The following RPS6KC1 variants were observed in gnomAD, a reference collection of about 807,000 sequenced individuals.
RPS6KC1 encodes ribosomal protein S6 kinase C1.
In RPS6KC1, 54 loss-of-function variants were observed where a neutral mutation model predicts 103.8. That is an observed-to-expected ratio of 0.52 (90% confidence interval 0.42 to 0.65). The LOEUF (loss-of-function observed/expected upper bound fraction) is 0.65. RPS6KC1 is among the 30% of genes least tolerant of loss of function. RPS6KC1 has a pLI of 0.00. For missense variants in RPS6KC1, 1,151 were observed against 1,253.8 expected (o/e 0.92, Z 1.24); for synonymous variants, 439 against 438.7 (o/e 1.00, Z -0.01).
the RPS6KC1 span, among the ~76,000 whole-genome samples, chr1:213,620,865 A>G: frequency 2.0e-5 from 3 of 152,276 alleles, no homozygotes; most frequent in South Asian, 2.1e-4. Context: ...GGCCGTACTT[A>G]CTAAAGAATT....
At chr1:213,322,258 C>T in the RPS6KC1 span, among the ~76,000 whole-genome samples, 1 of 152,128 alleles carries the variant, frequency 6.6e-6, no homozygotes, top group African/African-American at 2.4e-5. Flanking sequence ...GTGATCTGCA[C>T]TCTAGCCTGG....
chr1:213,140,172 T>C (rs995832833), intron 6 of RPS6KC1, among the ~76,000 whole-genome samples: 4 of 152,136 alleles, frequency 2.6e-5, no homozygotes, highest in African/African-American at 9.6e-5. Flanking sequence ...GAAATGCTAC[T>C]AATTTTTGTG....
At chr1:213,252,922 A>G (rs187498764) in intron 12 of RPS6KC1, among the ~76,000 whole-genome samples, 196 of 152,278 alleles carry the variant, frequency 1.3e-3, no homozygotes, top group Non-Finnish European at 2.0e-3. Flanking sequence ...TATTACATAA[A>G]CACTTTATTT....
the RPS6KC1 span, among the ~76,000 whole-genome samples, chr1:213,568,551 C>G: frequency 1.2e-4 from 18 of 152,292 alleles, no homozygotes; most frequent in African/African-American, 4.3e-4. Context: ...AGAGTCAGAC[C>G]AACAGGTAAG....
chr1:213,514,807 T>G, the RPS6KC1 span, among the ~76,000 whole-genome samples: 1 of 152,230 alleles, frequency 6.6e-6, no homozygotes, highest in Non-Finnish European at 1.5e-5. Context: ...ATCGCCACAC[T>G]GACTTCCACA....
At chr1:213,216,120 A>G (rs2093652243) in intron 8 of RPS6KC1, among the ~76,000 whole-genome samples, 2 of 152,214 alleles carry the variant, frequency 1.3e-5, no homozygotes, top group African/African-American at 2.4e-5. Context: ...AGTGTGCTGT[A>G]TTCAGGAAAC....
At chr1:213,829,478 G>A in the RPS6KC1 span, among the ~76,000 whole-genome samples, 1 of 152,012 alleles carries the variant, frequency 6.6e-6, no homozygotes, top group South Asian at 2.1e-4. Flanking sequence ...CACTTTAAAG[G>A]GTCATATCAT....
the RPS6KC1 span, among the ~76,000 whole-genome samples, chr1:213,318,478 T>G: frequency 6.6e-6 from 1 of 152,238 alleles, no homozygotes; most frequent in Admixed American, 6.5e-5. Flanking sequence ...CTCCTTATTT[T>G]GGGGGATTAT....
the RPS6KC1 span, among the ~76,000 whole-genome samples, chr1:213,384,564 G>T: frequency 1.3e-5 from 2 of 152,100 alleles, no homozygotes; most frequent in Non-Finnish European, 2.9e-5. Context: ...AGCCACCACG[G>T]GAAGGTGTCG....
chr1:213,416,674 G>A, the RPS6KC1 span, among the ~76,000 whole-genome samples: 56 of 152,306 alleles, frequency 3.7e-4, 1 homozygote, highest in African/African-American at 7.2e-5. Flanking sequence ...TCGTGCCTCC[G>A]CTGGGACTGA....
the RPS6KC1 span, among the ~76,000 whole-genome samples, chr1:213,487,012 G>A: frequency 6.6e-6 from 1 of 152,146 alleles, no homozygotes; most frequent in Non-Finnish European, 1.5e-5. Context: ...CCTGAAATTT[G>A]CAGCACCTTG....
At chr1:213,195,821 GGTGTGTGT>G (rs60968477) in intron 8 of RPS6KC1, among the ~76,000 whole-genome samples, 1 of 149,630 alleles carries the variant, frequency 6.7e-6, no homozygotes, top group African/African-American at 2.5e-5. Context: ...AGTATTCCAT[GGTGTGTGT>G]GTGTGTGTGT....
chr1:213,115,768 G>A (rs538538951), intron 4 of RPS6KC1, among the ~76,000 whole-genome samples: 1 of 152,268 alleles, frequency 6.6e-6, no homozygotes, highest in Admixed American at 6.5e-5. Context: ...TGTTCTTGTT[G>A]GTTTCAAAGG....
chr1:213,623,803 CA>C, the RPS6KC1 span, among the ~76,000 whole-genome samples: 1 of 152,128 alleles, frequency 6.6e-6, no homozygotes, highest in Non-Finnish European at 1.5e-5. Context: ...CAGTAGGTGG[CA>C]AAGACTGCTA....
the RPS6KC1 span, chr1:213,837,149 T>C: frequency 6.6e-6 from 1 of 152,272 alleles, no homozygotes; most frequent in South Asian, 2.1e-4. Context: ...TTCCATCTGG[T>C]AGGCCCATTC....
the RPS6KC1 span, among the ~76,000 whole-genome samples, chr1:213,735,576 T>G: frequency 6.6e-6 from 1 of 152,204 alleles, no homozygotes; most frequent in Non-Finnish European, 1.5e-5. Context: ...CCTACATTGC[T>G]AGTAGCAGAG....
chr1:213,695,728 A>G, the RPS6KC1 span, among the ~76,000 whole-genome samples: 1 of 152,204 alleles, frequency 6.6e-6, no homozygotes, highest in Non-Finnish European at 1.5e-5. Flanking sequence ...TGTTGCTGTC[A>G]GGTTATTGAT....
At chr1:213,263,360 C>A (rs1029943622) in intron 14 of RPS6KC1, among the ~76,000 whole-genome samples, 2 of 152,074 alleles carry the variant, frequency 1.3e-5, no homozygotes, top group African/African-American at 4.8e-5. Flanking sequence ...AGTTCAGTAT[C>A]CCAGAGACAG....
chr1:213,411,247 G>A, the RPS6KC1 span, among the ~76,000 whole-genome samples: 2 of 152,188 alleles, frequency 1.3e-5, no homozygotes, highest in Non-Finnish European at 2.9e-5. Context: ...GTCACATGAG[G>A]AAGAAGCACA....
Sources: allele counts gnomAD v4.1 joint callset (sites outside exome capture counted in the v4.1 genomes callset), GRCh38; gene constraint gnomAD v4.1.1; transcripts MANE v1.5; gene names NCBI Gene and HGNC (gene_info 2026-07-23, HGNC 2026-07-21).